DTNBP1: variants seen among roughly 807,000 people sequenced by gnomAD.
DTNBP1 encodes dystrobrevin binding protein 1, also known as dysbindin.
In DTNBP1, 35 loss-of-function variants were observed where a neutral mutation model predicts 42.8. The observed-to-expected ratio is 0.82, with a 90% CI of 0.63 to 1.09. The LOEUF (loss-of-function observed/expected upper bound fraction) is 1.09, where lower values mean the gene tolerates loss of function less well. Among genes scored for constraint, DTNBP1 ranks in the 50% least tolerant of loss-of-function variants. DTNBP1 has a pLI of 0.00. For synonymous variants in DTNBP1, 171 were observed against 162.2 expected, an observed-to-expected ratio of 1.05 and a Z score of -0.41; for missense variants, 457 against 424.2, an observed-to-expected ratio of 1.08 and a Z score of -0.68.
chr6:15,627,873 G>T (rs1196725928), intron 4 of DTNBP1, among the ~76,000 whole-genome samples: 2 of 151,434 alleles, frequency 1.3e-5, no homozygotes, highest in African/African-American at 4.9e-5. Flanking sequence ...GGTAATTATT[G>T]GCTTTACGAA....
chr6:15,649,720 A>G (rs905238710), intron 3 of DTNBP1, among the ~76,000 whole-genome samples: 5 of 152,250 alleles, frequency 3.3e-5, no homozygotes, highest in African/African-American at 4.8e-5. Context: ...CTCACATTCA[A>G]TTTTAGTTCC....
chr6:15,588,802 C>G (rs1346152189), intron 7 of DTNBP1, among the ~76,000 whole-genome samples: 1 of 152,248 alleles, frequency 6.6e-6, no homozygotes, highest in Non-Finnish European at 1.5e-5. Context: ...TACAACTGTT[C>G]TTTCCTCTTC....
intron 6 of DTNBP1, among the ~76,000 whole-genome samples, chr6:15,609,389 G>A (rs572045624): frequency 1.2e-4 from 18 of 151,408 alleles, no homozygotes; most frequent in Admixed American, 3.9e-4. Flanking sequence ...GTGCAATCTC[G>A]GCTCACTGCA....
chr6:15,628,996 GTT>G (rs1390949275), intron 4 of DTNBP1, among the ~76,000 whole-genome samples: 4 of 152,090 alleles, frequency 2.6e-5, no homozygotes, highest in Non-Finnish European at 4.4e-5. Flanking sequence ...GCCACATCAA[GTT>G]TCACGCAAAC....
chr6:15,610,094 G>C (rs894530157), intron 6 of DTNBP1, among the ~76,000 whole-genome samples: 1 of 152,184 alleles, frequency 6.6e-6, no homozygotes, highest in Admixed American at 6.5e-5. Flanking sequence ...AAGTGTGTTA[G>C]AGTCAAGTCT....
intron 7 of DTNBP1, among the ~76,000 whole-genome samples, chr6:15,574,314 G>A (rs1775471397): frequency 6.6e-6 from 1 of 152,212 alleles, no homozygotes; most frequent in Admixed American, 6.5e-5. Context: ...ATGGGGCAGA[G>A]TAGACAGCAA....
Position 15,615,195 on chromosome 6 carries a change from A to C in DTNBP1, c.488+72T>G, listed in dbSNP as rs1055782146. ...GTCTTTTATCAGCCGGGACTTCTAAAGAGTAGCATGTAAAGTAATATGGAA... is the reference window on the plus strand; with the variant it reads ...GTCTTTTATCAGCCGGGACTTCTAACGAGTAGCATGTAAAGTAATATGGAA... On this transcript the variant is annotated intron_variant, in intron 6 of 9. Transcript: ENST00000344537. 8.9e-5 allele frequency: 142 copies of C among 1,602,588 alleles called. No homozygotes were observed. The South Asian group carries it at 1.4e-3, about 15-fold the overall frequency.
At chr6:15,550,203 C>T (rs1000642856) in intron 7 of DTNBP1, among the ~76,000 whole-genome samples, 1 of 152,146 alleles carries the variant, frequency 6.6e-6, no homozygotes, top group Non-Finnish European at 1.5e-5. Context: ...TCAAAACAAT[C>T]ACCTTTAGAG....
chr6:15,530,588 G>A (rs998210447), intron 8 of DTNBP1, among the ~76,000 whole-genome samples: 4 of 151,912 alleles, frequency 2.6e-5, no homozygotes, highest in South Asian at 2.1e-4. Flanking sequence ...GTACGTGCCC[G>A]TCCCTGTCAC....
chr6:15,661,336 A>G (rs1326154504), intron 1 of DTNBP1, among the ~76,000 whole-genome samples: 1 of 131,494 alleles, frequency 7.6e-6, no homozygotes, highest in Non-Finnish European at 1.6e-5. Context: ...CCTGGGCAAC[A>G]GAGCGAGAAC....
At chr6:15,578,018 G>T (rs757274112) in intron 7 of DTNBP1, among the ~76,000 whole-genome samples, 7 of 152,204 alleles carry the variant, frequency 4.6e-5, no homozygotes, top group Non-Finnish European at 8.8e-5. Flanking sequence ...TGGACAGTAC[G>T]AACAACTGCC....
chr6:15,525,321 G>A lies in DTNBP1; in HGVS notation c.668-652C>T, dbSNP rs138454283. 6.6e-5 allele frequency among the ~76,000 whole-genome samples: 10 copies of A among 152,286 alleles called. No individual in the cohort carries two copies. The East Asian group carries it at 1.2e-3, about 18-fold the overall frequency. Reference sequence around the variant, plus strand: ...CACAGGTCTTTACTCATAGGCAAACGACCTCTATGGTCCAGAAAACCACAA... The same window carrying A: ...CACAGGTCTTTACTCATAGGCAAACAACCTCTATGGTCCAGAAAACCACAA... On this transcript the variant is annotated intron_variant, in intron 8 of 9. Coordinates refer to ENST00000344537, the MANE Select transcript of DTNBP1 (RefSeq NM_032122.5).
intron 7 of DTNBP1, among the ~76,000 whole-genome samples, chr6:15,546,313 C>T (rs1773880434): frequency 6.6e-6 from 1 of 152,038 alleles, no homozygotes; most frequent in Non-Finnish European, 1.5e-5. Flanking sequence ...GATCCGCCTG[C>T]CTCAGCCTCC....
intron 7 of DTNBP1, among the ~76,000 whole-genome samples, chr6:15,534,013 A>G (rs1291238051): frequency 6.6e-6 from 1 of 152,236 alleles, no homozygotes; most frequent in Non-Finnish European, 1.5e-5. Context: ...ATGAACCTGG[A>G]GCACATATGC....
intron 1 of DTNBP1, among the ~76,000 whole-genome samples, chr6:15,657,368 A>G (rs1438523922): frequency 6.6e-6 from 1 of 152,122 alleles, no homozygotes; most frequent in Non-Finnish European, 1.5e-5. Context: ...TTCCAAATTC[A>G]CATTCTCAAT....
chr6:15,646,067 T>C (rs144577175), intron 3 of DTNBP1, among the ~76,000 whole-genome samples: 31 of 152,106 alleles, frequency 2.0e-4, no homozygotes, highest in East Asian at 1.7e-3. Flanking sequence ...AAAAGACTCA[T>C]AGACCTGATA....
At chr6:15,637,906 A>C in intron 3 of DTNBP1, 102 bp from the exon 4 acceptor site, 2 of 1,285,182 alleles carry the variant, frequency 1.6e-6, no homozygotes, top group Non-Finnish European at 2.2e-6. Context: ...GAAAGGAAAC[A>C]CTCAAAAAAT....
Position 15,580,051 on chromosome 6 carries a change from C to A in DTNBP1, c.511+13008G>T, listed in dbSNP as rs560654586. Among the ~76,000 whole-genome samples the A allele has an allele frequency of 2.0e-3, 300 of 152,082 alleles. 1 individual carries two copies. Among genetic ancestry groups the A allele is most frequent in the Non-Finnish European group, 2.7e-3 (181 of 67,970 alleles). On this transcript the variant is annotated intron_variant, in intron 7 of 9. Coordinates refer to ENST00000344537, the MANE Select transcript of DTNBP1 (RefSeq NM_032122.5). ...GTAATAACCACGCAAAATTAAAAGG[C>A]AAATAATTAGTTGAAGATAAATATC...
At chr6:15,627,596 A>G in intron 4 of DTNBP1, 121 bp from the exon 5 acceptor site, 1 of 1,403,654 alleles carries the variant, frequency 7.1e-7, no homozygotes, top group Non-Finnish European at 9.6e-7. Context: ...AGATTACGGT[A>G]CATTCTAAAA....
Sources: gnomAD v4.1 joint callset for allele counts (sites outside exome capture counted in the v4.1 genomes callset) on GRCh38, gnomAD v4.1.1 for gene constraint, MANE v1.5 for transcripts, NCBI Gene and HGNC (gene_info 2026-07-23, HGNC 2026-07-21) for gene names.